The following CFH variants were observed in gnomAD, a reference collection of about 807,000 sequenced individuals.
CFH encodes complement factor H.
In CFH, 53 loss-of-function variants were observed where a neutral mutation model predicts 147.3. The ratio of observed to expected loss-of-function variants is 0.36; its 90% confidence interval spans 0.29 to 0.45. The LOEUF (loss-of-function observed/expected upper bound fraction) is 0.45. Among genes scored for constraint, CFH ranks in the 20% least tolerant of loss-of-function variants. CFH has a pLI of 1.00. For missense variants in CFH, 1,380 were observed against 1,498.0 expected (o/e 0.92, Z 1.30); for synonymous variants, 536 against 489.4 (o/e 1.10, Z -1.26).
intron 2 of CFH, chr1:196,673,412 C>T (rs1266531679): frequency 4.3e-6 from 2 of 467,316 alleles, no homozygotes; most frequent in Admixed American, 3.5e-5. Flanking sequence ...TTTCGGCTCA[C>T]TGCAACCTCT....
chr1:196,679,137 AT>A (rs200429765), intron 5 of CFH: 2,083 of 148,880 alleles, frequency 0.014, 51 homozygotes, highest in African/African-American at 0.046. Flanking sequence ...GATGATGGCC[AT>A]TTTTTTTTTT....
chr1:196,673,749 T>G (rs1162439666), intron 2 of CFH, 108 bp from the exon 3 acceptor site: 1 of 773,976 alleles, frequency 1.3e-6, no homozygotes, highest in African/African-American at 1.7e-5. Flanking sequence ...TTTCCTTACA[T>G]TCAATCTGTC....
At chr1:196,713,702 T>C (rs1033280896) in intron 9 of CFH, 33 bp from the exon 10 acceptor site, 1 of 1,326,586 alleles carries the variant, frequency 7.5e-7, no homozygotes. Flanking sequence ...ATTGATCATA[T>C]GCTTGTCTTT....
At position 196,726,905 on chromosome 1, in the gene CFH, T is replaced by C. The variant is rs1353831577; in HGVS notation, c.2201T>C (p.Ile734Thr). ...ATTGGACACAGATCAATTACGTGTA[T>C]TCATGGAGTATGGACCCAACTTCCC... The part of the protein sequence containing the change: ...TMIGHRSITC[I>T]HGVWTQLPQC... The change falls in exon 14 of 22, where the codon ATT becomes ACT. Residue 734 changes from isoleucine (I) to threonine (T), a missense_variant. Ile to Thr is a moderately conservative substitution (Grantham distance 89). This residue lies in a region of CFH where 830 missense variants were observed against 821.4 expected (regional missense o/e 1.01). Transcript: ENST00000367429. 2 of 1,613,612 alleles carry C rather than the reference T, an allele frequency of 1.2e-6. No homozygotes were observed. The highest frequency in any genetic ancestry group is 1.7e-6 in the Non-Finnish European group (2 of 1,179,748).
Position 196,715,444 on chromosome 1 carries a change from C to T in CFH, c.1520-149C>T, listed in dbSNP as rs6664877. The T allele has an allele frequency of 0.19, 117,345 of 634,172 alleles. 12,246 individuals carry two copies. Among genetic ancestry groups the T allele is most frequent in the South Asian group, 0.32 (15,571 of 49,382 alleles). The allele number at this position is 634,172 out of a possible 1,614,324, so 39.3% of individuals were successfully genotyped here. A position where few individuals can be genotyped will look rare whatever the true frequency, so the allele number is the denominator to read the frequency against. ...ACTTTTGACAACTATTTTACGACAA[C>T]AAATTCTCACCAGTCATAGATTATT... On this transcript the variant is annotated intron_variant, in intron 10 of 21. Transcript: ENST00000367429.
At chr1:196,710,767 A>G (rs1379431488) in intron 9 of CFH, among the ~76,000 whole-genome samples, 1 of 131,248 alleles carries the variant, frequency 7.6e-6, no homozygotes, top group East Asian at 2.2e-4. Flanking sequence ...AAGATCATAC[A>G]GTCTTACCCT....
chr1:196,715,295 G>A (rs1668841945), intron 10 of CFH, among the ~76,000 whole-genome samples: 1 of 151,640 alleles, frequency 6.6e-6, no homozygotes, highest in Non-Finnish European at 1.5e-5. Flanking sequence ...TACCTGTAAT[G>A]GCCTGTTTTA....
intron 15 of CFH, among the ~76,000 whole-genome samples, chr1:196,736,183 A>G (rs893139105): frequency 6.6e-6 from 1 of 152,136 alleles, no homozygotes; most frequent in African/African-American, 2.4e-5. Context: ...AGGCTGTGCA[A>G]TGCATTAAAC....
chr1:196,734,182 A>G (rs1398384978), intron 15 of CFH, among the ~76,000 whole-genome samples: 1 of 152,160 alleles, frequency 6.6e-6, no homozygotes, highest in Admixed American at 6.6e-5. Context: ...GCTGGGGTCC[A>G]TGCTCCATTG....
chr1:196,747,123 T>C lies in CFH; in HGVS notation c.3506T>C (p.Ile1169Thr), dbSNP rs1481833392. 1.1e-5 allele frequency: 17 copies of C among 1,613,756 alleles called. No homozygotes were observed. The highest frequency in any genetic ancestry group is 1.4e-5 in the Non-Finnish European group (17 of 1,179,834). Reference protein sequence around the residue: ...EPPKCLHPCVISREIMENYNI... With the variant: ...EPPKCLHPCVTSREIMENYNI... ...TTTTTATTTTCAGATCCGTGTGTAA[T>C]ATCCCGAGAAATTATGGAAAATTAT... Residue 1169 changes from isoleucine to threonine, a missense_variant, in exon 22 of 22, where the codon ATA (isoleucine) becomes ACA (threonine). Physicochemically the swap from Ile to Thr is moderately conservative, Grantham distance 89 (BLOSUM62 -1). This residue lies in a region of CFH where 123 missense variants were observed against 185.3 expected (regional missense o/e 0.66). Transcript: ENST00000367429.
At chr1:196,668,636 T>C (rs948784560) in intron 1 of CFH, among the ~76,000 whole-genome samples, 1 of 152,136 alleles carries the variant, frequency 6.6e-6, no homozygotes, top group African/African-American at 2.4e-5. Flanking sequence ...GATTTAATGG[T>C]TTAAGCATCT....
chr1:196,701,400 G>C, intron 9 of CFH: 1 of 1,612,598 alleles, frequency 6.2e-7, no homozygotes, highest in East Asian at 2.2e-5. Context: ...ATGGAACCAA[G>C]TTTGAGTCTT....
chr1:196,730,700 T>C (rs1263774151), intron 15 of CFH, among the ~76,000 whole-genome samples: 1 of 151,830 alleles, frequency 6.6e-6, no homozygotes, highest in Non-Finnish European at 1.5e-5. Flanking sequence ...TATTACTGTG[T>C]TGCAGTCCAC....
intron 6 of CFH, among the ~76,000 whole-genome samples, chr1:196,683,848 G>T (rs1667736651): frequency 1.3e-5 from 2 of 151,876 alleles, no homozygotes; most frequent in African/African-American, 4.8e-5. Context: ...AGAGGCAATT[G>T]TTTCAGGTGG....
intron 9 of CFH, among the ~76,000 whole-genome samples, chr1:196,703,244 GGGCCCCCAAA>G (rs1668504877): frequency 6.6e-6 from 1 of 152,108 alleles, no homozygotes; most frequent in South Asian, 2.1e-4. Context: ...AGAACCACCT[GGGCCCCCAAA>G]GGCCAATAAA....
chr1:196,714,831 G>T (rs1668829610), intron 10 of CFH, among the ~76,000 whole-genome samples: 1 of 150,116 alleles, frequency 6.7e-6, no homozygotes. Flanking sequence ...CTCCTGAATA[G>T]CTGGGATTAC....
At position 196,744,175 on chromosome 1, in the gene CFH, AT is replaced by A. The variant is rs34347090; in HGVS notation, c.3310+557del. Among the ~76,000 whole-genome samples, 257 of 149,812 alleles carry A rather than the reference AT, an allele frequency of 1.7e-3. 1 individual carries two copies. The highest frequency in any genetic ancestry group is 4.2e-3 in the Admixed American group (63 of 14,990). ...TGTTTTAAAATTAATGTTTTTCTGT[AT>A]TTTTTTTTTCACTATTTTACTTAGA... On this transcript the variant is annotated intron_variant, in intron 20 of 21. Transcript: ENST00000367429.
At chr1:196,693,840 T>G (rs1217280777) in intron 9 of CFH, among the ~76,000 whole-genome samples, 1 of 152,092 alleles carries the variant, frequency 6.6e-6, no homozygotes, top group Non-Finnish European at 1.5e-5. Flanking sequence ...GCATTTGCAT[T>G]GTTTTTGGCA....
chr1:196,689,883 A>G (rs1003333913), intron 8 of CFH, among the ~76,000 whole-genome samples, 180 bp from the exon 9 acceptor site: 2 of 152,102 alleles, frequency 1.3e-5, no homozygotes, highest in Non-Finnish European at 2.9e-5. Context: ...AATATTGAAT[A>G]TTGATATTTC....
Sources: allele counts gnomAD v4.1 joint callset (sites outside exome capture counted in the v4.1 genomes callset), GRCh38; gene constraint gnomAD v4.1.1; regional missense constraint gnomAD v4.1.1; transcripts MANE v1.5; gene names NCBI Gene and HGNC (gene_info 2026-07-23, HGNC 2026-07-21).